Variants in ITGA3 observed in about 807,000 individuals in gnomAD.
ITGA3 encodes integrin subunit alpha 3.
Under a neutral mutation model 131.1 loss-of-function variants are expected in ITGA3, and 70 were observed. That is an observed-to-expected ratio of 0.53 (90% CI 0.44 to 0.65). ITGA3 has a LOEUF of 0.65. Among genes scored for constraint, ITGA3 ranks in the 30% least tolerant of loss-of-function variants. The probability of loss-of-function intolerance (pLI) is 0.00; values close to 1 mark genes in which losing one functional copy is unlikely to be tolerated. For synonymous variants in ITGA3, 537 were observed against 571.6 expected, an observed-to-expected ratio of 0.94 and a Z score of 0.86; for missense variants, 1,098 against 1,388.6, an observed-to-expected ratio of 0.79 and a Z score of 3.33.
chr17:50,087,255 G>A (rs1439095745), intron 23 of ITGA3: 2 of 152,922 alleles, frequency 1.3e-5, no homozygotes, highest in Non-Finnish European at 2.9e-5. Flanking sequence ...ATGAACAACA[G>A]AGAGGTTAAG....
chr17:50,080,997 G>A (rs933003314), intron 22 of ITGA3: 4 of 334,694 alleles, frequency 1.2e-5, no homozygotes, highest in African/African-American at 4.2e-5. Context: ...GGGTGTGGCC[G>A]TGCGCCAAAA....
chr17:50,081,709 G>A (rs1909193392), intron 23 of ITGA3, among the ~76,000 whole-genome samples: 1 of 152,182 alleles, frequency 6.6e-6, no homozygotes, highest in African/African-American at 2.4e-5. Context: ...GAAGAGTAGG[G>A]CTGGGACTGC....
In ITGA3 at chr17:50,085,868, A is replaced by T. The variant is rs925956262; in HGVS notation, c.2920-1876A>T. Among the ~76,000 whole-genome samples the T allele has an allele frequency of 2.2e-5, 3 of 135,156 alleles. No individual in the cohort carries two copies. The South Asian group carries it at 6.8e-4, about 31-fold the overall frequency. The allele number at this position is 135,156 out of a possible 152,430, so 88.7% of individuals were successfully genotyped here. A position where few individuals can be genotyped will look rare whatever the true frequency, so the allele number is the denominator to read the frequency against. On this transcript the variant is annotated intron_variant, in intron 23 of 25. Transcript: ENST00000320031. ...AGATTTATAATGTATATTAGATTAT[A>T]CATTATAGATTTATAATGTATATTA...
In ITGA3 at chr17:50,064,198, G is replaced by A. The variant is rs61730091; in HGVS notation, c.328G>A (p.Val110Met). The change falls in exon 2 of 26, where the codon GTG becomes ATG. Residue 110 changes from valine (V) to methionine (M), a missense_variant. Physicochemically the swap from Val to Met is conservative, Grantham distance 21. Coordinates refer to ENST00000320031, the MANE Select transcript of ITGA3 (RefSeq NM_002204.4). This position sits in a 1 kb window ranked among gnomAD's most constrained non-coding sequence, Gnocchi z 4.4. Reference protein sequence around the residue: ...KDDCERMNITVKNDPGHHIIE... With the variant: ...KDDCERMNITMKNDPGHHIIE... ...TGACTGTGAGCGGATGAACATCACA[G>A]TGAAAAGTGAGGGGAAGGGGCTGGG... 2 of 1,606,830 alleles carry A rather than the reference G, an allele frequency of 1.2e-6. No homozygotes were observed. The highest frequency in any genetic ancestry group is 1.3e-5 in the African/African-American group (1 of 74,848).
intron 18 of ITGA3, 106 bp downstream of exon 18, chr17:50,078,390 G>C (rs1188881830): frequency 3.6e-6 from 3 of 834,406 alleles, no homozygotes; most frequent in African/African-American, 1.7e-5. Context: ...TCTTGGCCCA[G>C]TGTCCTCAGG....
chr17:50,079,323 T>C, intron 20 of ITGA3, 65 bp downstream of exon 20: 4 of 1,570,908 alleles, frequency 2.5e-6, no homozygotes, highest in Non-Finnish European at 3.5e-6. Context: ...TGTCTTCCCC[T>C]CCCTCCCCTC....
chr17:50,074,184 C>G lies in ITGA3; in HGVS notation c.1286C>G (p.Thr429Ser). ...AAGCTGGGACTGCCTGGGTTGGCCA[C>G]CTTCGGCTATTCCCTCAGTGGGCAG... ...GEKLGLPGLA[T>S]FGYSLSGQMD... Residue 429 changes from threonine (T) to serine (S), a missense_variant, in exon 9 of 26, where the codon ACC (threonine) becomes AGC (serine). Thr to Ser is a moderately conservative substitution (Grantham distance 58, BLOSUM62 1). Transcript: ENST00000320031. The G allele has an allele frequency of 6.2e-7, 1 of 1,614,204 alleles. No homozygotes were observed. Among genetic ancestry groups the G allele is most frequent in the Middle Eastern group, 1.6e-4 (1 of 6,062 alleles).
intron 18 of ITGA3, among the ~76,000 whole-genome samples, chr17:50,078,603 C>T (rs576201864): frequency 6.6e-6 from 1 of 152,318 alleles, no homozygotes; most frequent in Admixed American, 6.5e-5. Context: ...CCCTGTGATA[C>T]AACAGCTATG....
intron 21 of ITGA3, 73 bp downstream of exon 21, chr17:50,079,630 C>T (rs1002336967): frequency 2.1e-6 from 3 of 1,430,650 alleles, no homozygotes; most frequent in African/African-American, 2.9e-5. Flanking sequence ...CAGGGGCACA[C>T]AAAGCAAGGG....
chr17:50,076,877 C>A, intron 14 of ITGA3, 97 bp from the exon 15 acceptor site: 2 of 1,419,508 alleles, frequency 1.4e-6, no homozygotes, highest in Non-Finnish European at 1.9e-6. Flanking sequence ...CCAAGATGGG[C>A]TTTTCTCACC....
At chr17:50,088,995 G>A in intron 25 of ITGA3, 115 bp from the exon 26 acceptor site, 1 of 771,982 alleles carries the variant, frequency 1.3e-6, no homozygotes. Flanking sequence ...ATGCGTTTCG[G>A]TCAAGAGTTC....
chr17:50,072,268 C>A, intron 7 of ITGA3, 86 bp downstream of exon 7: 1 of 1,213,508 alleles, frequency 8.2e-7, no homozygotes, highest in Non-Finnish European at 1.2e-6. Flanking sequence ...AGCTGCACAT[C>A]AGGCTTGACA....
Position 50,078,905 on chromosome 17 carries a change from C to T in ITGA3, c.2379C>T (p.Ser793=), listed in dbSNP as rs762333985. 16 of 1,609,288 alleles carry T rather than the reference C, an allele frequency of 9.9e-6. No individual in the cohort carries two copies. Among genetic ancestry groups the T allele is most frequent in the Admixed American group, 8.3e-5 (5 of 59,994 alleles). The stretch of plus-strand genomic sequence containing the variant: ...TGAAAACTGTGGAGGATGTAGGAAG[C>T]CCCCTCAAGTATGAATTCCAGGTAA... ...SGMKTVEDVG[S]PLKYEFQVGP... Residue 793 remains serine, a synonymous_variant, in exon 19 of 26, where the codon AGC becomes AGT. Coordinates refer to ENST00000320031, the MANE Select transcript of ITGA3 (RefSeq NM_002204.4).
chr17:50,064,688 C>G lies in ITGA3; in HGVS notation c.414+81C>G. On this transcript the variant is annotated intron_variant, in intron 3 of 25. Transcript: ENST00000320031. This position sits in a 1 kb window ranked among gnomAD's most constrained non-coding sequence, Gnocchi z 4.4. ...CCAGAGCTGGGAGGAAAGAAGAGGGCAGCAGGGGGGTCCACGGCGCGTGTG... is the reference window on the plus strand; with the variant it reads ...CCAGAGCTGGGAGGAAAGAAGAGGGGAGCAGGGGGGTCCACGGCGCGTGTG... 1 of 1,228,460 alleles carries G rather than the reference C, an allele frequency of 8.1e-7. No homozygotes were observed. The highest frequency in any genetic ancestry group is 1.2e-6 in the Non-Finnish European group (1 of 863,064). 76.1% of individuals were successfully genotyped at this position (1,228,460 alleles called of 1,614,324 possible).
intron 1 of ITGA3, among the ~76,000 whole-genome samples, chr17:50,058,401 C>A (rs1453928976): frequency 1.3e-5 from 2 of 152,202 alleles, no homozygotes; most frequent in Non-Finnish European, 2.9e-5. Context: ...GTTAGTGGGG[C>A]TGTAACGAGA....
At chr17:50,079,638 G>A in intron 21 of ITGA3, 81 bp downstream of exon 21, 1 of 1,407,518 alleles carries the variant, frequency 7.1e-7, no homozygotes, top group Non-Finnish European at 9.3e-7. Context: ...CACAAAGCAA[G>A]GGAGACCTCA....
At chr17:50,077,205 G>A (rs988717477) in intron 15 of ITGA3, 84 bp downstream of exon 15, 13 of 1,415,902 alleles carry the variant, frequency 9.2e-6, no homozygotes, top group Admixed American at 7.0e-5. Flanking sequence ...TGCAGGTGTT[G>A]TCGTCTGCCA....
intron 4 of ITGA3, among the ~76,000 whole-genome samples, chr17:50,069,469 T>G (rs1332211894): frequency 6.6e-6 from 1 of 152,090 alleles, no homozygotes; most frequent in Non-Finnish European, 1.5e-5. Flanking sequence ...AGTTCAAGAC[T>G]AACGTGGGCA....
rs1908596397 is a variant in ITGA3 at position 50,070,928 on chromosome 17, T to G, written c.749T>G (p.Ile250Ser). 6.3e-7 allele frequency: 1 copy of G among 1,583,354 alleles called. No individual in the cohort carries two copies. The change falls in exon 5 of 26, where the codon ATT becomes AGT. Residue 250 changes from isoleucine (I) to serine (S), a missense_variant and splice_region_variant. Physicochemically the swap from Ile to Ser is moderately radical, Grantham distance 142. Coordinates refer to ENST00000320031, the MANE Select transcript of ITGA3 (RefSeq NM_002204.4). ...CCAGAGGACCAAGGAAACCTCTATA[T>G]TGGTGAGTACAGTAGTGGTAGCCCA... ...KDPEDQGNLY[I>S]GYTMQVGSFI...
Sources: gnomAD v4.1 joint callset for allele counts (sites outside exome capture counted in the v4.1 genomes callset) on GRCh38, gnomAD v4.1.1 for gene constraint, Gnocchi (gnomAD v3.1) non-coding constraint, MANE v1.5 for transcripts, NCBI Gene and HGNC (gene_info 2026-07-23, HGNC 2026-07-21) for gene names.